Variants in MCTP2 observed in about 807,000 individuals in gnomAD.
The protein encoded by MCTP2 is multiple C2 and transmembrane domain-containing protein 2.
MCTP2 carries 132 observed loss-of-function variants against 111.6 expected under a neutral mutation model. That is an observed-to-expected ratio of 1.18 (90% confidence interval 1.03 to 1.37). The LOEUF (loss-of-function observed/expected upper bound fraction) is 1.37. Ranked by LOEUF, MCTP2 falls within the 40% of genes most tolerant of loss-of-function variation. MCTP2 has a pLI of 0.00. For synonymous variants in MCTP2, 395 were observed against 387.7 expected (o/e 1.02, Z -0.22); for missense variants, 1,183 against 1,067.9 (o/e 1.11, Z -1.50).
At chr15:94,464,262 T>TA (rs2085439991) in intron 20 of MCTP2, among the ~76,000 whole-genome samples, 1 of 25,806 alleles carries the variant, frequency 3.9e-5, no homozygotes, top group Admixed American at 4.5e-4. Context: ...ATATATTATA[T>TA]ATATATATAT....
intron 17 of MCTP2, among the ~76,000 whole-genome samples, chr15:94,439,776 T>G (rs1424387630): frequency 6.6e-6 from 1 of 152,222 alleles, no homozygotes; most frequent in Non-Finnish European, 1.5e-5. Context: ...CTCTGAAATA[T>G]TTGGATTTTT....
intron 1 of MCTP2, among the ~76,000 whole-genome samples, chr15:94,244,176 A>G (rs530297275): frequency 1.4e-4 from 20 of 145,380 alleles, no homozygotes; most frequent in African/African-American, 4.6e-4. Flanking sequence ...GTATACACAT[A>G]CGTATGTGTA....
At chr15:94,414,571 G>A (rs1207051240) in intron 17 of MCTP2, among the ~76,000 whole-genome samples, 1 of 152,200 alleles carries the variant, frequency 6.6e-6, no homozygotes, top group African/African-American at 2.4e-5. Context: ...GTGTTCATCA[G>A]GAAATAGGTT....
intron 12 of MCTP2, among the ~76,000 whole-genome samples, chr15:94,383,188 G>A (rs545254900): frequency 1.3e-5 from 2 of 152,150 alleles, no homozygotes; most frequent in African/African-American, 4.8e-5. Flanking sequence ...GTGACCATTT[G>A]CTCAGGAGCA....
At chr15:94,271,767 C>A (rs921966220) in intron 1 of MCTP2, among the ~76,000 whole-genome samples, 2 of 152,120 alleles carry the variant, frequency 1.3e-5, no homozygotes, top group Non-Finnish European at 2.9e-5. Context: ...GATTTTATGG[C>A]TTAAAAATAT....
intron 17 of MCTP2, among the ~76,000 whole-genome samples, chr15:94,426,557 C>G (rs547983105): frequency 1.3e-5 from 2 of 152,126 alleles, no homozygotes; most frequent in East Asian, 3.9e-4. Flanking sequence ...TTATTTGACT[C>G]TTACAGATCT....
chr15:94,309,143 T>G (rs1384350717), intron 2 of MCTP2, among the ~76,000 whole-genome samples: 1 of 152,210 alleles, frequency 6.6e-6, no homozygotes, highest in Non-Finnish European at 1.5e-5. Flanking sequence ...CACCTTCCAG[T>G]TTTGACCTCT....
chr15:94,450,128 T>G (rs2084350756), intron 19 of MCTP2, among the ~76,000 whole-genome samples: 1 of 152,158 alleles, frequency 6.6e-6, no homozygotes. Context: ...AAAAAAGTGT[T>G]GGTAAATACC....
intron 8 of MCTP2, among the ~76,000 whole-genome samples, chr15:94,351,139 G>C (rs1394742230): frequency 6.6e-6 from 1 of 152,118 alleles, no homozygotes; most frequent in East Asian, 1.9e-4. Context: ...TTATCTACAA[G>C]TATAAATTGC....
Position 94,298,286 on chromosome 15 carries a change from T to G in MCTP2, c.21T>G (p.Ser7=). 11 of 1,612,520 alleles carry G rather than the reference T, an allele frequency of 6.8e-6. No homozygotes were observed. Among genetic ancestry groups the G allele is most frequent in the Non-Finnish European group, 9.3e-6 (11 of 1,179,178 alleles). ...CAGCCATGGATCTGGATAAACCATC[T>G]GTTTGGGGCTCATTAAAACAGCGGA... MDLDKP[S]VWGSLKQRTR... is the part of the protein sequence containing the mutation. Residue 7 remains serine (S), a synonymous_variant, in exon 2 of 23, where the codon TCT becomes TCG. Transcript: ENST00000357742.
At chr15:94,460,673 T>C (rs1183414204) in intron 20 of MCTP2, among the ~76,000 whole-genome samples, 2 of 152,166 alleles carry the variant, frequency 1.3e-5, no homozygotes, top group East Asian at 3.9e-4. Context: ...GCAGAGTGAT[T>C]TAAACAGGCT....
intron 1 of MCTP2, among the ~76,000 whole-genome samples, chr15:94,265,389 A>T (rs972161071): frequency 3.3e-5 from 5 of 152,184 alleles, no homozygotes; most frequent in Non-Finnish European, 4.4e-5. Context: ...GGACTTGGAC[A>T]TTGTGGCTGG....
intron 8 of MCTP2, among the ~76,000 whole-genome samples, chr15:94,354,370 T>G (rs146397225): frequency 6.6e-6 from 1 of 152,278 alleles, no homozygotes; most frequent in African/African-American, 2.4e-5. Flanking sequence ...AAAGACCAGG[T>G]GGAAGTAACT....
intron 12 of MCTP2, among the ~76,000 whole-genome samples, chr15:94,374,622 A>T (rs1277164768): frequency 6.6e-6 from 1 of 152,170 alleles, no homozygotes; most frequent in Non-Finnish European, 1.5e-5. Flanking sequence ...TCTCTTTATT[A>T]GTTTTATTCT....
chr15:94,268,966 A>C (rs1348957216), intron 1 of MCTP2, among the ~76,000 whole-genome samples: 1 of 152,174 alleles, frequency 6.6e-6, no homozygotes, highest in Non-Finnish European at 1.5e-5. Flanking sequence ...CATTATTTTT[A>C]AACTATTAGC....
intron 12 of MCTP2, among the ~76,000 whole-genome samples, chr15:94,372,679 A>G (rs936688217): frequency 6.6e-6 from 1 of 152,048 alleles, no homozygotes; most frequent in African/African-American, 2.4e-5. Context: ...AGAAATAAGT[A>G]TTTCTACTCT....
At chr15:94,337,844 T>C (rs8035261) in intron 4 of MCTP2, among the ~76,000 whole-genome samples, 26,132 of 152,180 alleles carry the variant, frequency 0.17, 2,526 homozygotes, top group African/African-American at 0.21. Flanking sequence ...CTTGCAGTAC[T>C]GGAAGGCTGA....
intron 8 of MCTP2, among the ~76,000 whole-genome samples, chr15:94,351,155 C>A (rs190050966): frequency 5.1e-4 from 77 of 152,312 alleles, no homozygotes; most frequent in African/African-American, 1.8e-3. Flanking sequence ...ATTGCAACTT[C>A]TGTGGACTTT....
At chr15:94,234,989 C>T (rs28588037) in intron 1 of MCTP2, among the ~76,000 whole-genome samples, 33 of 152,208 alleles carry the variant, frequency 2.2e-4, no homozygotes, top group African/African-American at 7.0e-4. Flanking sequence ...CAGTGGCTCA[C>T]GCCTGTAATC....
Sources: allele counts gnomAD v4.1 joint callset (sites outside exome capture counted in the v4.1 genomes callset), GRCh38; gene constraint gnomAD v4.1.1; transcripts MANE v1.5; gene names NCBI Gene and HGNC (gene_info 2026-07-23, HGNC 2026-07-21).